LSM14A: variants seen among roughly 807,000 people sequenced by gnomAD.
LSM14A encodes LSM14A mRNA processing body assembly factor.
LSM14A carries 14 observed loss-of-function variants against 52.4 expected under a neutral mutation model. That is an observed-to-expected ratio of 0.27 (90% CI 0.18 to 0.42). The LOEUF is 0.42. Ranked by LOEUF, LSM14A falls within the 10% of genes least tolerant of loss-of-function variation. The probability of loss-of-function intolerance (pLI) is 1.00; values close to 1 mark genes in which losing one functional copy is unlikely to be tolerated. For missense variants in LSM14A, 417 were observed against 581.8 expected (o/e 0.72, Z 2.91); for synonymous variants, 185 against 200.3 (o/e 0.92, Z 0.64).
intron 1 of LSM14A, among the ~76,000 whole-genome samples, chr19:34,183,386 A>G (rs1455921733): frequency 2.0e-5 from 3 of 152,094 alleles, no homozygotes; most frequent in Non-Finnish European, 2.9e-5. Flanking sequence ...CCCCGTCTCT[A>G]CTAAAAATAC....
rs1441283750 is a variant in LSM14A at position 34,227,719 on chromosome 19, C to G, written c.*331C>G. ...ACTGAAAGGTTTTTTTTTTTTATCA[C>G]TAAATTGTATTTGGCAATTGCAAGT... On this transcript the variant is annotated 3_prime_UTR_variant, in exon 10 of 10. Transcript: ENST00000544216. The G allele has an allele frequency of 4.0e-6, 1 of 251,648 alleles. No homozygotes were observed. Among genetic ancestry groups the G allele is most frequent in the Admixed American group, 5.6e-5 (1 of 17,736 alleles). The allele number at this position is 251,648 out of a possible 1,614,324, so 15.6% of individuals were successfully genotyped here. A position where few individuals can be genotyped will look rare whatever the true frequency, so the allele number is the denominator to read the frequency against.
At chr19:34,215,460 G>T (rs1172603042) in intron 5 of LSM14A, 136 bp from the exon 6 acceptor site, 2 of 1,087,952 alleles carry the variant, frequency 1.8e-6, no homozygotes, top group East Asian at 4.8e-5. Context: ...AGTGGTGGTG[G>T]TGTGGGTATA....
At chr19:34,217,083 A>G (rs1415870456) in intron 6 of LSM14A, among the ~76,000 whole-genome samples, 3 of 151,780 alleles carry the variant, frequency 2.0e-5, no homozygotes, top group South Asian at 4.2e-4. Context: ...ATACGGTGAA[A>G]CCCTGTCTCT....
At chr19:34,214,686 A>G (rs577856146) in intron 4 of LSM14A, among the ~76,000 whole-genome samples, 2 of 152,362 alleles carry the variant, frequency 1.3e-5, no homozygotes, top group East Asian at 3.9e-4. Context: ...AGTCATCTAC[A>G]GAAAGTACTA....
At chr19:34,195,889 T>G (rs1016471059) in intron 2 of LSM14A, among the ~76,000 whole-genome samples, 1 of 152,224 alleles carries the variant, frequency 6.6e-6, no homozygotes, top group African/African-American at 2.4e-5. Context: ...CATCATAAAC[T>G]TCTACTTGAT....
intron 3 of LSM14A, among the ~76,000 whole-genome samples, chr19:34,198,296 A>G (rs1025275488): frequency 2.1e-4 from 28 of 134,818 alleles, no homozygotes; most frequent in African/African-American, 7.9e-4. Flanking sequence ...TCACAAAATA[A>G]CAAAGAATGG....
At chr19:34,196,504 T>C (rs1251463600) in intron 2 of LSM14A, 130 bp from the exon 3 acceptor site, 12 of 802,810 alleles carry the variant, frequency 1.5e-5, no homozygotes, top group Non-Finnish European at 2.2e-5. Context: ...ATTAAGTGCA[T>C]ATTGTAATTC....
At chr19:34,215,982 C>T (rs2072554628) in intron 6 of LSM14A, among the ~76,000 whole-genome samples, 2 of 151,862 alleles carry the variant, frequency 1.3e-5, no homozygotes, top group South Asian at 2.1e-4. Flanking sequence ...TTCTTGGTTT[C>T]GATAATGTAC....
Position 34,215,466 on chromosome 19 carries a change from G to A in LSM14A, c.716-130G>A, listed in dbSNP as rs971658938. 23 of 1,095,230 alleles carry A rather than the reference G, an allele frequency of 2.1e-5. No homozygotes were observed. In the South Asian group the frequency reaches 3.2e-4, roughly 15 times the overall value. The allele number at this position is 1,095,230 out of a possible 1,614,324, so 67.8% of individuals were successfully genotyped here. On this transcript the variant is annotated intron_variant, in intron 5 of 9. Transcript: ENST00000544216. Reference sequence around the variant, plus strand: ...TTGACTCAAAGTGGTGGTGGTGTGGGTATAGTTTTTTGGGCATTGCACAGG... The same window carrying A: ...TTGACTCAAAGTGGTGGTGGTGTGGATATAGTTTTTTGGGCATTGCACAGG...
chr19:34,194,900 C>T (rs1317547388), intron 2 of LSM14A, among the ~76,000 whole-genome samples: 4 of 152,158 alleles, frequency 2.6e-5, no homozygotes, highest in Admixed American at 2.6e-4. Context: ...TTGAAGGCTA[C>T]TCTGTAGAAG....
rs545030592 is a variant in LSM14A at position 34,175,255 on chromosome 19, G to A, written c.121+2492G>A. Among the ~76,000 whole-genome samples the A allele has an allele frequency of 2.0e-5, 3 of 150,574 alleles. No individual in the cohort carries two copies. The East Asian group carries it at 5.8e-4, about 29-fold the overall frequency. ...CTTTTTTTTTTTTCTTTTTGAGATG[G>A]CGTCTCACTCTGTTGCCCAGGCCGG... On this transcript the variant is annotated intron_variant, in intron 1 of 9. Transcript: ENST00000544216.
chr19:34,196,619 A>G lies in LSM14A; in HGVS notation c.286-15A>G, dbSNP rs2070858240. 7.0e-6 allele frequency: 11 copies of G among 1,578,940 alleles called. No homozygotes were observed. The East Asian group carries it at 1.1e-4, about 16-fold the overall frequency. On this transcript the variant is annotated splice_polypyrimidine_tract_variant and intron_variant, in intron 2 of 9. Coordinates refer to ENST00000544216, the MANE Select transcript of LSM14A (RefSeq NM_015578.4). ...TGCTTAGAGCTTGGAAACATAACTC[A>G]TGATTTTCCTTCAGTCCTCACTAGG...
chr19:34,189,594 A>G (rs554429676), intron 1 of LSM14A, among the ~76,000 whole-genome samples: 25 of 152,278 alleles, frequency 1.6e-4, no homozygotes, highest in Non-Finnish European at 3.1e-4. Context: ...TAGAATAACA[A>G]TGTTCTTTCT....
In LSM14A at chr19:34,172,507, G is replaced by A; in HGVS notation, c.-136G>A. On this transcript the variant is annotated 5_prime_UTR_variant, in exon 1 of 10. Transcript: ENST00000544216. ...GGGCGGGAGGCTGGGGGAGGGTAGC[G>A]GAGCCGGCGCCGCCGCCATGTTGGG... 9.8e-7 allele frequency: 1 copy of A among 1,025,432 alleles called. No homozygotes were observed. 63.5% of individuals were successfully genotyped at this position (1,025,432 alleles called of 1,614,324 possible).
Position 34,194,480 on chromosome 19 carries a change from C to T in LSM14A, c.124C>T (p.Arg42Ter). The T allele has an allele frequency of 1.2e-6, 2 of 1,613,810 alleles. No homozygotes were observed. Among genetic ancestry groups the T allele is most frequent in the Non-Finnish European group, 1.7e-6 (2 of 1,179,796 alleles). The change falls in exon 2 of 10, where the codon CGA becomes TGA. Residue 42 changes from arginine (R) to a stop codon, truncating the protein, a stop_gained and splice_region_variant. Transcript: ENST00000544216. LOFTEE classifies it high-confidence loss of function. ...CATATCCTTTGTTTTCTTGCCAGTT[C>T]GATCCTTTGGTACAGAAGACAGACC... ...ENSTVALAKV[R>*]SFGTEDRPTD...
At chr19:34,200,145 C>T (rs548692437) in intron 3 of LSM14A, among the ~76,000 whole-genome samples, 1 of 152,260 alleles carries the variant, frequency 6.6e-6, no homozygotes, top group East Asian at 1.9e-4. Flanking sequence ...GCTTATATAT[C>T]CAGAAGGTGG....
chr19:34,200,186 TCA>T (rs1328669085), intron 3 of LSM14A, among the ~76,000 whole-genome samples: 1 of 152,212 alleles, frequency 6.6e-6, no homozygotes, highest in East Asian at 1.9e-4. Flanking sequence ...TCCACACTCT[TCA>T]AAAGATTCAA....
chr19:34,203,457 C>T (rs1425171775), intron 3 of LSM14A, among the ~76,000 whole-genome samples: 1 of 152,114 alleles, frequency 6.6e-6, no homozygotes, highest in East Asian at 1.9e-4. Flanking sequence ...TTACAGTTAG[C>T]ATAAAGCCAG....
At chr19:34,174,993 A>T (rs2068979747) in intron 1 of LSM14A, among the ~76,000 whole-genome samples, 1 of 152,212 alleles carries the variant, frequency 6.6e-6, no homozygotes, top group African/African-American at 2.4e-5. Flanking sequence ...CCAAAAGTCT[A>T]CATTTTAACA....
Sources: allele counts gnomAD v4.1 joint callset (sites outside exome capture counted in the v4.1 genomes callset), GRCh38; gene constraint gnomAD v4.1.1; transcripts MANE v1.5; gene names NCBI Gene and HGNC (gene_info 2026-07-23, HGNC 2026-07-21).